The following HNF4G variants were observed in gnomAD, a reference collection of about 807,000 sequenced individuals.
HNF4G encodes hepatocyte nuclear factor 4-gamma.
Under a neutral mutation model 50.9 loss-of-function variants are expected in HNF4G, and 21 were observed. The ratio of observed to expected loss-of-function variants is 0.41; its 90% CI spans 0.29 to 0.59. The LOEUF is 0.59. HNF4G is among the 20% of genes least tolerant of loss of function. The probability of loss-of-function intolerance (pLI) is 0.26; values close to 1 mark genes in which losing one functional copy is unlikely to be tolerated. For synonymous variants in HNF4G, 198 were observed against 185.6 expected, an observed-to-expected ratio of 1.07 and a Z score of -0.54; for missense variants, 527 against 559.4, an observed-to-expected ratio of 0.94 and a Z score of 0.58.
intron 1 of HNF4G, among the ~76,000 whole-genome samples, chr8:75,420,416 T>G (rs1354205840): frequency 6.6e-6 from 1 of 152,244 alleles, no homozygotes; most frequent in Non-Finnish European, 1.5e-5. Context: ...GACTCTTTCT[T>G]GCGGCCTATG....
chr8:75,550,125 G>A (rs1358320835), intron 3 of HNF4G, among the ~76,000 whole-genome samples: 3 of 152,130 alleles, frequency 2.0e-5, no homozygotes, highest in African/African-American at 7.2e-5. Context: ...TTTAACAAAA[G>A]CATACTTGCA....
chr8:75,412,536 T>C lies in HNF4G; in HGVS notation c.-144+4374T>C, dbSNP rs924121206. On this transcript the variant is annotated intron_variant, in intron 1 of 10. Transcript: ENST00000354370. Reference sequence around the variant, plus strand: ...ATTGACAAGAAATCTAGGCAGCTTTTCCCCCATCTCATTTAAAAGTATCAT... The same window carrying C: ...ATTGACAAGAAATCTAGGCAGCTTTCCCCCCATCTCATTTAAAAGTATCAT... Among the ~76,000 whole-genome samples the C allele has an allele frequency of 2.0e-5, 3 of 152,198 alleles. 1 individual carries two copies. The South Asian group carries it at 6.2e-4, about 32-fold the overall frequency.
chr8:75,561,999 T>A (rs1807323603), intron 9 of HNF4G, among the ~76,000 whole-genome samples: 3 of 152,174 alleles, frequency 2.0e-5, no homozygotes, highest in African/African-American at 7.2e-5. Context: ...AATCCCAGAT[T>A]TACCTTTGAT....
intron 2 of HNF4G, among the ~76,000 whole-genome samples, chr8:75,534,624 C>A (rs777214869): frequency 1.3e-5 from 2 of 151,786 alleles, no homozygotes; most frequent in African/African-American, 4.8e-5. Context: ...TTCAGGTAAA[C>A]CATAAATACT....
intron 2 of HNF4G, among the ~76,000 whole-genome samples, chr8:75,501,691 TA>T (rs1187872518): frequency 6.6e-6 from 1 of 152,170 alleles, no homozygotes; most frequent in African/African-American, 2.4e-5. Flanking sequence ...ACAAATTTTT[TA>T]AAGAAATGTT....
chr8:75,501,633 C>T (rs865797089), intron 2 of HNF4G, among the ~76,000 whole-genome samples: 22 of 152,128 alleles, frequency 1.4e-4, no homozygotes, highest in Non-Finnish European at 2.8e-4. Flanking sequence ...AAAAAAATTA[C>T]ATCCCTTACC....
At chr8:75,449,934 C>T (rs932209969) in intron 1 of HNF4G, among the ~76,000 whole-genome samples, 2 of 151,098 alleles carry the variant, frequency 1.3e-5, no homozygotes, top group African/African-American at 4.8e-5. Flanking sequence ...TAACTATAGC[C>T]CCCCGATGTA....
At chr8:75,463,832 T>C (rs1369736234) in intron 1 of HNF4G, among the ~76,000 whole-genome samples, 3 of 149,812 alleles carry the variant, frequency 2.0e-5, no homozygotes, top group Admixed American at 6.8e-5. Flanking sequence ...TGGAGTACAA[T>C]GGCATGATCT....
At chr8:75,505,671 C>T (rs1393061367) in intron 2 of HNF4G, among the ~76,000 whole-genome samples, 5 of 140,194 alleles carry the variant, frequency 3.6e-5, no homozygotes, top group South Asian at 2.3e-4. Flanking sequence ...CTGTAAACTC[C>T]GTAATGCAAG....
At chr8:75,546,516 C>T (rs1005883570) in intron 2 of HNF4G, among the ~76,000 whole-genome samples, 2 of 152,070 alleles carry the variant, frequency 1.3e-5, no homozygotes, top group Admixed American at 6.6e-5. Context: ...CCCATTTCCT[C>T]CCAACTCCCT....
At chr8:75,420,753 C>T (rs1810756623) in intron 1 of HNF4G, among the ~76,000 whole-genome samples, 2 of 152,172 alleles carry the variant, frequency 1.3e-5, no homozygotes, top group African/African-American at 2.4e-5. Context: ...GAGGTCTCAG[C>T]AGCAGACGGT....
At chr8:75,490,223 C>G (rs1812592460) in intron 2 of HNF4G, 1 of 152,594 alleles carries the variant, frequency 6.6e-6, no homozygotes, top group Non-Finnish European at 1.5e-5. Context: ...GTGGTGCCCG[C>G]TGAGGCTGCT....
intron 1 of HNF4G, among the ~76,000 whole-genome samples, chr8:75,480,831 C>T (rs571007307): frequency 1.4e-4 from 22 of 151,980 alleles, no homozygotes; most frequent in Non-Finnish European, 2.8e-4. Flanking sequence ...TTGCCTCAGC[C>T]TCCCGAGTAA....
rs76310988 is a variant in HNF4G at position 75,408,138 on chromosome 8, C to T, written c.-168C>T. 5.0e-3 allele frequency: 770 copies of T among 153,296 alleles called. 13 individuals carry two copies. Among genetic ancestry groups the T allele is most frequent in the African/African-American group, 0.018 (744 of 41,516 alleles). 9.5% of individuals were successfully genotyped at this position (153,296 alleles called of 1,614,324 possible). A position where few individuals can be genotyped will look rare whatever the true frequency, so the allele number is the denominator to read the frequency against. ...ATACCCCGAGGCCTCGCCCAGCCTG[C>T]GCTGGAGGGAAGAAGGCGCTGGAGG... is the stretch of plus-strand genomic sequence containing the variant. On this transcript the variant is annotated 5_prime_UTR_variant, in exon 1 of 11. Transcript: ENST00000354370.
intron 1 of HNF4G, among the ~76,000 whole-genome samples, chr8:75,481,742 T>A (rs1812384687): frequency 6.6e-6 from 1 of 152,148 alleles, no homozygotes; most frequent in Non-Finnish European, 1.5e-5. Flanking sequence ...AAATTCTATT[T>A]CAATAAAAAT....
intron 2 of HNF4G, among the ~76,000 whole-genome samples, chr8:75,526,704 A>AAT (rs1175981761): frequency 6.7e-6 from 1 of 150,270 alleles, no homozygotes; most frequent in South Asian, 2.1e-4. Context: ...GACTAATTAA[A>AAT]ATTTTTTTTT....
At chr8:75,432,766 T>C (rs1811044174) in intron 1 of HNF4G, among the ~76,000 whole-genome samples, 1 of 152,140 alleles carries the variant, frequency 6.6e-6, no homozygotes, top group Non-Finnish European at 1.5e-5. Flanking sequence ...TTTTAACCAA[T>C]AAGATAGTCC....
chr8:75,433,596 A>G (rs150238842), intron 1 of HNF4G, among the ~76,000 whole-genome samples: 11 of 152,142 alleles, frequency 7.2e-5, no homozygotes, highest in African/African-American at 2.7e-4. Flanking sequence ...AGATCTCACT[A>G]CTGTGTTGCA....
chr8:75,555,863 TA>T, intron 5 of HNF4G, 118 bp from the exon 6 acceptor site: 1 of 489,896 alleles, frequency 2.0e-6, no homozygotes, highest in Non-Finnish European at 3.6e-6. Flanking sequence ...CTATGAATAC[TA>T]TAGTTTGTTA....
Sources: gnomAD v4.1 joint callset for allele counts (sites outside exome capture counted in the v4.1 genomes callset) on GRCh38, gnomAD v4.1.1 for gene constraint, MANE v1.5 for transcripts, NCBI Gene and HGNC (gene_info 2026-07-23, HGNC 2026-07-21) for gene names.